The following AHCYL2 variants were observed in gnomAD, a reference collection of about 807,000 sequenced individuals.
The protein encoded by AHCYL2 is S-adenosylhomocysteine hydrolase-like protein 2.
A neutral mutation model predicts 81.4 loss-of-function variants in AHCYL2; 28 were observed. The observed-to-expected ratio is 0.34, with a 90% confidence interval of 0.25 to 0.47. AHCYL2 has a LOEUF of 0.47. Among genes scored for constraint, AHCYL2 ranks in the 20% least tolerant of loss-of-function variants. The pLI is 1.00. For missense variants in AHCYL2, 551 were observed against 785.1 expected (o/e 0.70, Z 3.56); for synonymous variants, 272 against 290.2 (o/e 0.94, Z 0.64).
At chr7:129,261,490 A>G (rs1318351508) in intron 1 of AHCYL2, among the ~76,000 whole-genome samples, 1 of 152,172 alleles carries the variant, frequency 6.6e-6, no homozygotes, top group African/African-American at 2.4e-5. Flanking sequence ...TTTCAGCAAT[A>G]TGTATTGGAC....
chr7:129,298,634 GA>G (rs1161049097), intron 1 of AHCYL2, among the ~76,000 whole-genome samples: 6 of 152,192 alleles, frequency 3.9e-5, no homozygotes, highest in Non-Finnish European at 5.9e-5. Context: ...TTGCTTGGGG[GA>G]TAATGGAAAA....
intron 2 of AHCYL2, 90 bp downstream of exon 2, chr7:129,379,839 T>A: frequency 2.2e-6 from 2 of 911,068 alleles, no homozygotes; most frequent in Non-Finnish European, 3.3e-6. Context: ...TAATTAAGCA[T>A]GACCAAGACT....
At position 129,338,317 on chromosome 7, in the gene AHCYL2, T is replaced by A. The variant is rs545450753; in HGVS notation, c.364-41321T>A. 2.8e-3 allele frequency among the ~76,000 whole-genome samples: 430 copies of A among 152,100 alleles called. 4 individuals are homozygous for A. The highest frequency in any genetic ancestry group is 9.8e-3 in the African/African-American group (405 of 41,484). ...GTGTGTACCACCACGCCTGGCTAAT[T>A]TGTAAATTTTTTTTTTCTGTAGAGA... On this transcript the variant is annotated intron_variant, in intron 1 of 16. Transcript: ENST00000325006.
At chr7:129,353,959 A>G (rs560918661) in intron 1 of AHCYL2, among the ~76,000 whole-genome samples, 52 of 152,198 alleles carry the variant, frequency 3.4e-4, no homozygotes, top group African/African-American at 9.2e-4. Flanking sequence ...AGAAATATTA[A>G]TAACTGTGTC....
At position 129,339,143 on chromosome 7, in the gene AHCYL2, G is replaced by A. The variant is rs554894666; in HGVS notation, c.364-40495G>A. ...ACATTGATTCTTCAACTTCTCCCTC[G>A]GTTCTAACTTCACATTAGCCATTTA... On this transcript the variant is annotated intron_variant, in intron 1 of 16. Coordinates refer to ENST00000325006, the MANE Select transcript of AHCYL2 (RefSeq NM_015328.4). Among the ~76,000 whole-genome samples, 18 of 152,102 alleles carry A rather than the reference G, an allele frequency of 1.2e-4. No homozygotes were observed. The South Asian group carries it at 2.7e-3, about 23-fold the overall frequency.
At chr7:129,369,487 T>C (rs1280995839) in intron 1 of AHCYL2, among the ~76,000 whole-genome samples, 1 of 152,158 alleles carries the variant, frequency 6.6e-6, no homozygotes, top group Non-Finnish European at 1.5e-5. Flanking sequence ...ACAACTATTT[T>C]TTATTGTTTT....
chr7:129,293,282 T>C (rs1246871296), intron 1 of AHCYL2, among the ~76,000 whole-genome samples: 1 of 152,170 alleles, frequency 6.6e-6, no homozygotes, highest in Non-Finnish European at 1.5e-5. Context: ...TAGTTGTTGG[T>C]TTTCCAAGAC....
rs1428106245 is a variant in AHCYL2 at position 129,403,387 on chromosome 7, T to C, written c.927T>C (p.Asp309=). The C allele has an allele frequency of 6.2e-7, 1 of 1,605,296 alleles. No homozygotes were observed. The part of the protein sequence containing the change: ...VEGWQPNMIL[D]DGGDLTHWIY... Reference sequence around the variant, plus strand: ...GATGCTTACTATTGCAGATCTTGGATGATGGAGGGGATCTTACCCACTGGA... The same window carrying C: ...GATGCTTACTATTGCAGATCTTGGACGATGGAGGGGATCTTACCCACTGGA... The change falls in exon 7 of 17, where the codon GAT becomes GAC. Residue 309 remains aspartate, a synonymous_variant. Transcript: ENST00000325006.
At chr7:129,240,870 A>G (rs1450687925) in intron 1 of AHCYL2, among the ~76,000 whole-genome samples, 1 of 152,152 alleles carries the variant, frequency 6.6e-6, no homozygotes, top group Admixed American at 6.6e-5. Flanking sequence ...TGTATTAGAT[A>G]TAGAAAGAGA....
chr7:129,332,839 A>G (rs1484790367), intron 1 of AHCYL2, among the ~76,000 whole-genome samples: 1 of 152,182 alleles, frequency 6.6e-6, no homozygotes, highest in Non-Finnish European at 1.5e-5. Flanking sequence ...TGGTGAAGGT[A>G]ATTGGGAAGG....
chr7:129,256,432 T>C (rs2150709637), intron 1 of AHCYL2, among the ~76,000 whole-genome samples: 1 of 152,248 alleles, frequency 6.6e-6, no homozygotes, highest in African/African-American at 2.4e-5. Context: ...TACTTTTTTG[T>C]CTTTCCTTGA....
intron 1 of AHCYL2, among the ~76,000 whole-genome samples, chr7:129,235,168 T>A (rs1006416378): frequency 1.3e-5 from 2 of 152,174 alleles, no homozygotes; most frequent in Non-Finnish European, 2.9e-5. Flanking sequence ...ATTGACTCCT[T>A]GTGAAACACT....
intron 1 of AHCYL2, among the ~76,000 whole-genome samples, chr7:129,275,750 T>C (rs1425060141): frequency 6.6e-6 from 1 of 151,948 alleles, no homozygotes; most frequent in Non-Finnish European, 1.5e-5. Flanking sequence ...AGGAAGAAAA[T>C]ATATAGATAC....
chr7:129,399,482 G>C (rs1795920403), intron 5 of AHCYL2, among the ~76,000 whole-genome samples: 1 of 151,870 alleles, frequency 6.6e-6, no homozygotes, highest in East Asian at 1.9e-4. Flanking sequence ...AAGATTCCTT[G>C]AGAGCTCATT....
chr7:129,377,633 C>T (rs1167271331), intron 1 of AHCYL2: 1 of 456,526 alleles, frequency 2.2e-6, no homozygotes, highest in African/African-American at 2.0e-5. Flanking sequence ...GGTAGAGTCA[C>T]TTGTCAGACC....
intron 1 of AHCYL2, among the ~76,000 whole-genome samples, chr7:129,324,382 T>C (rs1798145076): frequency 6.6e-6 from 1 of 152,204 alleles, no homozygotes; most frequent in South Asian, 2.1e-4. Flanking sequence ...CATATGGATG[T>C]GTGTAAATCT....
intron 1 of AHCYL2, among the ~76,000 whole-genome samples, chr7:129,319,569 G>T (rs1797943446): frequency 6.6e-6 from 1 of 152,148 alleles, no homozygotes; most frequent in Admixed American, 6.5e-5. Context: ...TGGAAATTTG[G>T]TAATAAACTC....
intron 1 of AHCYL2, among the ~76,000 whole-genome samples, chr7:129,335,351 G>A (rs1453208377): frequency 1.3e-5 from 2 of 151,018 alleles, no homozygotes; most frequent in Non-Finnish European, 2.9e-5. Flanking sequence ...CTTTGGCCTG[G>A]GTAACAGAGT....
intron 1 of AHCYL2, among the ~76,000 whole-genome samples, chr7:129,246,592 C>T (rs151237890): frequency 1.9e-3 from 294 of 152,230 alleles, no homozygotes; most frequent in African/African-American, 6.5e-3. Context: ...TGATCTCCTA[C>T]GCTCAATCGA....
Sources: gnomAD v4.1 joint callset for allele counts (sites outside exome capture counted in the v4.1 genomes callset) on GRCh38, gnomAD v4.1.1 for gene constraint, MANE v1.5 for transcripts, NCBI Gene and HGNC (gene_info 2026-07-23, HGNC 2026-07-21) for gene names.